The following MTA3 variants were observed in gnomAD, a reference collection of about 807,000 sequenced individuals.
The protein encoded by MTA3 is metastasis associated 1 family member 3.
In MTA3, 34 loss-of-function variants were observed where a neutral mutation model predicts 83.5. The ratio of observed to expected loss-of-function variants is 0.41; its 90% CI spans 0.31 to 0.54. MTA3 has a LOEUF of 0.54. MTA3 is among the 20% of genes least tolerant of loss of function. The probability of loss-of-function intolerance (pLI) is 0.33; values close to 1 mark genes in which losing one functional copy is unlikely to be tolerated. For missense variants in MTA3, 761 were observed against 726.4 expected (o/e 1.05, Z -0.55); for synonymous variants, 303 against 252.7 (o/e 1.20, Z -1.89).
In MTA3 at chr2:42,695,917, T is replaced by G. The variant is rs1693351062; in HGVS notation, c.966+78T>G. The G allele has an allele frequency of 3.2e-6, 3 of 939,940 alleles. No individual in the cohort carries two copies. In the Middle Eastern group the frequency reaches 7.1e-4, roughly 221 times the overall value. The allele number at this position is 939,940 out of a possible 1,614,324, so 58.2% of individuals were successfully genotyped here. ...TTTATATTTTAATATTTTTTGGCGATGTACTACTTTTAAATTTGTTTACCT... is the reference window on the plus strand; with the variant it reads ...TTTATATTTTAATATTTTTTGGCGAGGTACTACTTTTAAATTTGTTTACCT... On this transcript the variant is annotated intron_variant, in intron 10 of 16. Coordinates refer to ENST00000405094, the MANE Select transcript of MTA3 (RefSeq NM_001330442.2).
chr2:42,553,817 G>A (rs1250232669), intron 2 of MTA3, among the ~76,000 whole-genome samples: 1 of 137,982 alleles, frequency 7.2e-6, no homozygotes, highest in African/African-American at 2.8e-5. Context: ...CCTGAAATGA[G>A]CTGAGATTGT....
At chr2:42,509,249 A>G (rs866546375) in intron 2 of MTA3, among the ~76,000 whole-genome samples, 71 of 151,984 alleles carry the variant, frequency 4.7e-4, no homozygotes, top group African/African-American at 1.6e-3. Context: ...CACCATGTTG[A>G]CCAGGCTGGT....
intron 16 of MTA3, among the ~76,000 whole-genome samples, chr2:42,723,933 A>G (rs1173647153): frequency 1.3e-5 from 2 of 152,190 alleles, no homozygotes; most frequent in Non-Finnish European, 2.9e-5. Flanking sequence ...AATAATGTCA[A>G]AAATGTGTAA....
In MTA3 at chr2:42,644,156, C is replaced by A. The variant is rs1236193058; in HGVS notation, c.411C>A (p.Asp137Glu). ...EDTFFYSLVY[D>E]PSLKTLLADK... is the part of the protein sequence containing the mutation. ...CCTTCTTCTACTCATTGGTCTATGA[C>A]CCCTCATTGAAAACACTATTAGCTG... The change falls in exon 6 of 17, where the codon GAC becomes GAA. Residue 137 changes from aspartate (D) to glutamate (E), a missense_variant. Asp to Glu is a conservative substitution (Grantham distance 45). Transcript: ENST00000405094. 1.9e-6 allele frequency: 3 copies of A among 1,610,966 alleles called. No homozygotes were observed. The highest frequency in any genetic ancestry group is 2.7e-5 in the African/African-American group (2 of 74,734).
At chr2:42,577,103 A>ATAT (rs751491575) in intron 2 of MTA3, among the ~76,000 whole-genome samples, 1 of 73,606 alleles carries the variant, frequency 1.4e-5, no homozygotes, top group African/African-American at 6.4e-5. Context: ...AAAAAAAAAA[A>ATAT]AAATATATAT....
intron 9 of MTA3, among the ~76,000 whole-genome samples, chr2:42,693,600 G>C (rs1439666430): frequency 6.6e-6 from 1 of 151,078 alleles, no homozygotes; most frequent in African/African-American, 2.4e-5. Flanking sequence ...CTTCATTTTA[G>C]TCAGCTGGTG....
At chr2:42,604,544 C>CTTACTTGGT (rs949197092) in intron 3 of MTA3, among the ~76,000 whole-genome samples, 2 of 138,302 alleles carry the variant, frequency 1.4e-5, no homozygotes, top group African/African-American at 5.5e-5. Context: ...CTCGATAATT[C>CTTACTTGGT]TTACTTGGTC....
At chr2:42,504,210 G>A (rs960218432) in intron 2 of MTA3, among the ~76,000 whole-genome samples, 16 of 150,506 alleles carry the variant, frequency 1.1e-4, no homozygotes, top group African/African-American at 3.4e-4. Context: ...GTTTACAGGC[G>A]TGAGCTACCA....
At chr2:42,526,549 AC>A (rs1675717983) in intron 2 of MTA3, among the ~76,000 whole-genome samples, 1 of 152,068 alleles carries the variant, frequency 6.6e-6, no homozygotes, top group African/African-American at 2.4e-5. Flanking sequence ...ATCTCTGGGC[AC>A]CCTGGCAGAC....
chr2:42,686,426 C>T (rs934729788), intron 9 of MTA3, among the ~76,000 whole-genome samples: 1 of 152,044 alleles, frequency 6.6e-6, no homozygotes, highest in African/African-American at 2.4e-5. Context: ...GTGGGTCACA[C>T]CTGAAATCTC....
intron 12 of MTA3, among the ~76,000 whole-genome samples, chr2:42,705,810 C>T (rs1285318274): frequency 2.0e-5 from 3 of 152,002 alleles, no homozygotes; most frequent in Admixed American, 1.3e-4. Context: ...GATGAATAAG[C>T]TATTTTTATT....
chr2:42,639,063 CT>C (rs563252870), intron 4 of MTA3, among the ~76,000 whole-genome samples: 176 of 138,672 alleles, frequency 1.3e-3, no homozygotes, highest in Admixed American at 1.4e-3. Flanking sequence ...TTCTTTCTTT[CT>C]TTTTTTTTTT....
chr2:42,580,742 T>C (rs1408499252), intron 3 of MTA3, among the ~76,000 whole-genome samples: 3 of 152,008 alleles, frequency 2.0e-5, no homozygotes, highest in South Asian at 2.1e-4. Context: ...ATTACAGGCA[T>C]GCACCACCAT....
chr2:42,588,595 G>T (rs1323528875), intron 3 of MTA3, among the ~76,000 whole-genome samples: 1 of 152,098 alleles, frequency 6.6e-6, no homozygotes, highest in Admixed American at 6.6e-5. Context: ...CAAGTCATTA[G>T]GGCCCTTTGC....
intron 6 of MTA3, among the ~76,000 whole-genome samples, chr2:42,654,679 A>G (rs1043607405): frequency 6.6e-6 from 1 of 152,136 alleles, no homozygotes; most frequent in African/African-American, 2.4e-5. Flanking sequence ...CCGTGGTATG[A>G]TTATGGCTCA....
At chr2:42,632,808 A>G (rs1246093420) in intron 4 of MTA3, among the ~76,000 whole-genome samples, 1 of 152,152 alleles carries the variant, frequency 6.6e-6, no homozygotes, top group African/African-American at 2.4e-5. Flanking sequence ...GTGTACACAC[A>G]AACAGATGTT....
At chr2:42,725,070 A>G (rs1250117693) in intron 16 of MTA3, among the ~76,000 whole-genome samples, 2 of 152,200 alleles carry the variant, frequency 1.3e-5, no homozygotes, top group Non-Finnish European at 2.9e-5. Flanking sequence ...CATGGGATGG[A>G]GAGGAAGGCT....
At chr2:42,655,070 A>G (rs10865183) in intron 6 of MTA3, among the ~76,000 whole-genome samples, 119,453 of 152,156 alleles carry the variant, frequency 0.79, 47,838 homozygotes, top group African/African-American at 0.94. Context: ...TTACTTGTGA[A>G]GGAACTCTTA....
intron 3 of MTA3, among the ~76,000 whole-genome samples, chr2:42,586,707 T>C (rs371338323): frequency 1.3e-5 from 2 of 151,918 alleles, no homozygotes; most frequent in South Asian, 4.1e-4. Context: ...AGGACCAGCA[T>C]GGCAAAAACC....
Sources: gnomAD v4.1 joint callset for allele counts (sites outside exome capture counted in the v4.1 genomes callset) on GRCh38, gnomAD v4.1.1 for gene constraint, MANE v1.5 for transcripts, NCBI Gene and HGNC (gene_info 2026-07-23, HGNC 2026-07-21) for gene names.